GNG2: variants seen among roughly 807,000 people sequenced by gnomAD.
GNG2 encodes the protein G protein subunit gamma 2, also known as guanine nucleotide-binding protein G(I)/G(S)/G(O) subunit gamma-2.
A neutral mutation model predicts 5.5 loss-of-function variants in GNG2; 5 were observed. The ratio of observed to expected loss-of-function variants is 0.91; its 90% CI spans 0.48 to 1.92. GNG2 has a LOEUF of 1.92. GNG2 is among the 30% of genes most tolerant of loss of function. GNG2 has a pLI of 0.01. For synonymous variants in GNG2, 28 were observed against 32.0 expected (o/e 0.88, Z 0.42); for missense variants, 55 against 88.4 (o/e 0.62, Z 1.52).
chr14:51,926,579 A>C (rs764029994), intron 2 of GNG2, among the ~76,000 whole-genome samples: 55 of 152,214 alleles, frequency 3.6e-4, no homozygotes, highest in Non-Finnish European at 5.9e-4. Context: ...AGCCAAGCAT[A>C]AAGAGACTCC....
intron 2 of GNG2, among the ~76,000 whole-genome samples, chr14:51,908,653 T>C (rs1160367405): frequency 7.8e-6 from 1 of 128,400 alleles, no homozygotes; most frequent in Non-Finnish European, 1.8e-5. Context: ...CACTGCAGCC[T>C]CCGCCTCCTG....
At chr14:51,830,101 A>G (rs1045886419) in intron 2 of GNG2, among the ~76,000 whole-genome samples, 2 of 151,992 alleles carry the variant, frequency 1.3e-5, no homozygotes, top group Non-Finnish European at 2.9e-5. Flanking sequence ...TCAGCTTCCC[A>G]AAGTGTTGGG....
At chr14:51,892,314 A>ATTTT (rs199510688) in intron 2 of GNG2, among the ~76,000 whole-genome samples, 1 of 150,180 alleles carries the variant, frequency 6.7e-6, no homozygotes, top group African/African-American at 2.5e-5. Context: ...TATTTATTTT[A>ATTTT]TTTTATTTTT....
intron 2 of GNG2, among the ~76,000 whole-genome samples, chr14:51,888,534 G>T (rs901818809): frequency 1.4e-4 from 22 of 152,020 alleles, no homozygotes; most frequent in Non-Finnish European, 3.1e-4. Flanking sequence ...TACCTGGGCT[G>T]GTCTTGAATA....
chr14:51,846,101 A>G (rs965809755), intron 2 of GNG2, among the ~76,000 whole-genome samples: 2 of 152,252 alleles, frequency 1.3e-5, no homozygotes, highest in Non-Finnish European at 2.9e-5. Flanking sequence ...TACTAGATTC[A>G]GTTTTTAAAA....
At chr14:51,905,636 AG>A in intron 2 of GNG2, among the ~76,000 whole-genome samples, 1 of 152,332 alleles carries the variant, frequency 6.6e-6, no homozygotes, top group South Asian at 2.1e-4. Context: ...ATGGCAACAG[AG>A]GGGATATTCT....
At chr14:51,937,917 C>T (rs1396742749) in intron 2 of GNG2, among the ~76,000 whole-genome samples, 2 of 152,092 alleles carry the variant, frequency 1.3e-5, no homozygotes, top group African/African-American at 2.4e-5. Flanking sequence ...TTATGGAAGC[C>T]TCAGGTGCTA....
chr14:51,957,975 G>A (rs981453955), intron 3 of GNG2, among the ~76,000 whole-genome samples: 1 of 152,180 alleles, frequency 6.6e-6, no homozygotes, highest in African/African-American at 2.4e-5. Context: ...GACTGGTAAT[G>A]TTAAGTTTCA....
At chr14:51,922,398 A>G (rs1887067165) in intron 2 of GNG2, among the ~76,000 whole-genome samples, 1 of 152,138 alleles carries the variant, frequency 6.6e-6, no homozygotes, top group Non-Finnish European at 1.5e-5. Flanking sequence ...AGAGCACTAG[A>G]GTCTCTCAGT....
chr14:51,932,347 C>T, intron 2 of GNG2, among the ~76,000 whole-genome samples: 1 of 150,982 alleles, frequency 6.6e-6, no homozygotes, highest in East Asian at 1.9e-4. Flanking sequence ...CATGCTACAG[C>T]ATGGGTGAAC....
At chr14:51,939,850 G>A (rs1037632355) in intron 2 of GNG2, 1 of 152,216 alleles carries the variant, frequency 6.6e-6, no homozygotes, top group Non-Finnish European at 1.5e-5. Flanking sequence ...GGATCAGTCT[G>A]GTGCCTCTGA....
Position 51,834,625 on chromosome 14 carries a change from C to G in GNG2, c.64+6818C>G, listed in dbSNP as rs114572477. On this transcript the variant is annotated intron_variant, in intron 2 of 3. Coordinates refer to the GNG2 transcript ENST00000553432. ...GGTCCTGGGTAAGGATAGGCACTTG[C>G]CCTCTCAATATTGAGATTGCTAAAG... Among the ~76,000 whole-genome samples the G allele has an allele frequency of 6.4e-3, 979 of 152,316 alleles. 10 individuals carry two copies. Among genetic ancestry groups the G allele is most frequent in the African/African-American group, 0.023 (944 of 41,564 alleles).
intron 2 of GNG2, among the ~76,000 whole-genome samples, chr14:51,888,149 C>G (rs1318449314): frequency 6.6e-6 from 1 of 152,146 alleles, no homozygotes; most frequent in African/African-American, 2.4e-5. Flanking sequence ...TCATCTCTCC[C>G]TTCTATCTCC....
At chr14:51,938,876 A>T (rs1439731888) in intron 2 of GNG2, among the ~76,000 whole-genome samples, 1 of 152,210 alleles carries the variant, frequency 6.6e-6, no homozygotes. Flanking sequence ...GGTTTGAGAG[A>T]CACTGAGGAT....
At chr14:51,897,213 G>T (rs1885253265) in intron 2 of GNG2, among the ~76,000 whole-genome samples, 1 of 152,192 alleles carries the variant, frequency 6.6e-6, no homozygotes, top group African/African-American at 2.4e-5. Context: ...TGCCTGCTTT[G>T]TTAGCACTAA....
At chr14:51,930,983 C>A (rs1267013634) in intron 2 of GNG2, among the ~76,000 whole-genome samples, 2 of 152,184 alleles carry the variant, frequency 1.3e-5, no homozygotes, top group African/African-American at 4.8e-5. Context: ...ATAGTCCCAC[C>A]TGCTAGAGAG....
chr14:51,941,576 C>G (rs1888320469), intron 2 of GNG2, among the ~76,000 whole-genome samples: 1 of 152,160 alleles, frequency 6.6e-6, no homozygotes, highest in Non-Finnish European at 1.5e-5. Flanking sequence ...TGAAAAACAC[C>G]ATTGAAGTAT....
intron 2 of GNG2, chr14:51,847,000 CAG>C (rs1348817668): frequency 6.6e-6 from 1 of 152,206 alleles, no homozygotes; most frequent in Non-Finnish European, 1.5e-5. Context: ...ATCAGTCATT[CAG>C]AGTTTCCATG....
At chr14:51,928,277 AC>A (rs1887453711) in intron 2 of GNG2, among the ~76,000 whole-genome samples, 1 of 151,642 alleles carries the variant, frequency 6.6e-6, no homozygotes, top group Non-Finnish European at 1.5e-5. Context: ...TGATCCACCC[AC>A]CTGGTCTCCC....
Sources: gnomAD v4.1 joint callset for allele counts (sites outside exome capture counted in the v4.1 genomes callset) on GRCh38, gnomAD v4.1.1 for gene constraint, MANE v1.5 for transcripts, NCBI Gene and HGNC (gene_info 2026-07-23, HGNC 2026-07-21) for gene names.